The following ST3GAL3 variants were observed in gnomAD, a reference collection of about 807,000 sequenced individuals.
The protein encoded by ST3GAL3 is ST3 beta-galactoside alpha-2,3-sialyltransferase 3, also known as CMP-N-acetylneuraminate-beta-1,4-galactoside alpha-2,3-sialyltransferase.
A neutral mutation model predicts 50.1 loss-of-function variants in ST3GAL3; 21 were observed. That is an observed-to-expected ratio of 0.42 (90% confidence interval 0.30 to 0.60). The LOEUF (loss-of-function observed/expected upper bound fraction) is 0.60, where lower values mean the gene tolerates loss of function less well. ST3GAL3 is among the 20% of genes least tolerant of loss of function. ST3GAL3 has a pLI of 0.19. For synonymous variants in ST3GAL3, 183 were observed against 190.0 expected (o/e 0.96, Z 0.30); for missense variants, 353 against 489.4 (o/e 0.72, Z 2.63).
At chr1:43,920,729 G>A in intron 10 of ST3GAL3, 53 bp from the exon 11 acceptor site, 2 of 1,613,262 alleles carry the variant, frequency 1.2e-6, no homozygotes, top group South Asian at 1.1e-5. Context: ...AGCTGTCCCA[G>A]CCCTCCAGCT....
At chr1:43,880,060 T>C (rs2074842672) in intron 5 of ST3GAL3, among the ~76,000 whole-genome samples, 1 of 152,188 alleles carries the variant, frequency 6.6e-6, no homozygotes, top group African/African-American at 2.4e-5. Context: ...ATTGGTCTGG[T>C]TGGCCCTGGA....
chr1:43,772,123 C>T (rs1695485067), intron 2 of ST3GAL3: 1 of 397,820 alleles, frequency 2.5e-6, no homozygotes, highest in East Asian at 3.6e-5. Context: ...AATCTCTGCT[C>T]ACCGCAACCT....
chr1:43,831,060 G>A (rs1375888827), intron 4 of ST3GAL3, among the ~76,000 whole-genome samples: 4 of 152,174 alleles, frequency 2.6e-5, no homozygotes, highest in Non-Finnish European at 4.4e-5. Context: ...CCTATAAAAT[G>A]TGCATTACTA....
intron 5 of ST3GAL3, among the ~76,000 whole-genome samples, chr1:43,858,905 A>T (rs2069182780): frequency 6.6e-6 from 1 of 152,210 alleles, no homozygotes. Context: ...TGCCATGATG[A>T]GGGCCCTTGG....
At chr1:43,772,108 G>T (rs1003616568) in intron 2 of ST3GAL3, 7 of 398,242 alleles carry the variant, frequency 1.8e-5, no homozygotes, top group Non-Finnish European at 3.1e-5. Flanking sequence ...GGAGTGTGAT[G>T]GCATAATCTC....
intron 5 of ST3GAL3, chr1:43,879,231 G>A: frequency 2.2e-6 from 1 of 455,068 alleles, no homozygotes; most frequent in Non-Finnish European, 4.4e-6. Flanking sequence ...CTGGACAGAA[G>A]GCCAGTATGC....
chr1:43,927,321 A>G (rs887834191), intron 11 of ST3GAL3, among the ~76,000 whole-genome samples: 1 of 152,226 alleles, frequency 6.6e-6, no homozygotes, highest in African/African-American at 2.4e-5. Flanking sequence ...GTAAAACTCC[A>G]TCTCAAAAAC....
rs187449253 is a variant in ST3GAL3 at position 43,810,083 on chromosome 1, G to A, written c.167-4808G>A. 4.6e-4 allele frequency among the ~76,000 whole-genome samples: 70 copies of A among 152,050 alleles called. 2 individuals carry two copies. The East Asian group carries it at 0.013, about 27-fold the overall frequency. On this transcript the variant is annotated intron_variant, in intron 3 of 11. Coordinates refer to ENST00000347631, the MANE Select transcript of ST3GAL3 (RefSeq NM_006279.5). ...AAAAAAATGAACAGACCACTGGTGA[G>A]CTATGGGACTTCAAGCAGCCCTAAT...
At chr1:43,909,573 G>A (rs1028276196) in intron 9 of ST3GAL3, among the ~76,000 whole-genome samples, 2 of 151,944 alleles carry the variant, frequency 1.3e-5, no homozygotes, top group Non-Finnish European at 2.9e-5. Context: ...AATCCCAAAC[G>A]GACTAAAAAG....
intron 2 of ST3GAL3, among the ~76,000 whole-genome samples, chr1:43,790,633 CT>C (rs11343844): frequency 0.48 from 59,950 of 125,328 alleles, 13,191 homozygotes; most frequent in African/African-American, 0.62. Context: ...ATGGCGTCTC[CT>C]TTTTTTTTTT....
At chr1:43,714,259 T>G (rs1571134142) in intron 1 of ST3GAL3, among the ~76,000 whole-genome samples, 1 of 108,040 alleles carries the variant, frequency 9.3e-6, no homozygotes, top group African/African-American at 3.7e-5. Context: ...ACAGGGAAAC[T>G]CCATCTCAAA....
chr1:43,856,786 A>G (rs1435321940), intron 5 of ST3GAL3, among the ~76,000 whole-genome samples: 3 of 152,126 alleles, frequency 2.0e-5, no homozygotes, highest in Admixed American at 2.0e-4. Context: ...TCTGCTTTTA[A>G]ATTAATTCCA....
chr1:43,735,614 A>G (rs1678069084), intron 1 of ST3GAL3, among the ~76,000 whole-genome samples: 1 of 152,216 alleles, frequency 6.6e-6, no homozygotes, highest in African/African-American at 2.4e-5. Context: ...CCAGAAGGGA[A>G]CACAGCCCTA....
At chr1:43,879,492 G>A (rs146906775) in intron 5 of ST3GAL3, 32 of 449,268 alleles carry the variant, frequency 7.1e-5, no homozygotes, top group South Asian at 3.7e-4. Context: ...GACTAGGGCC[G>A]TAGCAGTGGA....
chr1:43,857,157 A>G lies in ST3GAL3; in HGVS notation c.302+18846A>G, dbSNP rs549523835. 4.6e-5 allele frequency among the ~76,000 whole-genome samples: 7 copies of G among 152,296 alleles called. No homozygotes were observed. The South Asian group carries it at 1.0e-3, about 23-fold the overall frequency. On this transcript the variant is annotated intron_variant, in intron 5 of 11. Coordinates refer to ENST00000347631, the MANE Select transcript of ST3GAL3 (RefSeq NM_006279.5). Reference sequence around the variant, plus strand: ...TACATCTTATCCCTTTCTAACTTCTACTGGAAGGTGAATGACAGGCAAAGC... The same window carrying G: ...TACATCTTATCCCTTTCTAACTTCTGCTGGAAGGTGAATGACAGGCAAAGC...
chr1:43,845,758 A>G (rs1267568129), intron 5 of ST3GAL3, among the ~76,000 whole-genome samples: 1 of 151,742 alleles, frequency 6.6e-6, no homozygotes, highest in Admixed American at 6.6e-5. Context: ...TTTATTTCTC[A>G]TATAAACATT....
At chr1:43,917,214 C>T (rs2081958918) in intron 9 of ST3GAL3, among the ~76,000 whole-genome samples, 2 of 151,384 alleles carry the variant, frequency 1.3e-5, no homozygotes, top group African/African-American at 4.9e-5. Context: ...TATACACATA[C>T]ACAGATTTTA....
intron 2 of ST3GAL3, among the ~76,000 whole-genome samples, chr1:43,788,539 C>T (rs1299025533): frequency 6.6e-6 from 1 of 152,184 alleles, no homozygotes; most frequent in Admixed American, 6.5e-5. Context: ...TGAACCTTCA[C>T]AGGACAAGCA....
chr1:43,710,783 G>T (rs907667750), intron 1 of ST3GAL3, among the ~76,000 whole-genome samples: 19 of 152,104 alleles, frequency 1.2e-4, no homozygotes, highest in Admixed American at 8.5e-4. Context: ...CTTCCTTTGT[G>T]AAGCTTATCT....
Sources: gnomAD v4.1 joint callset for allele counts (sites outside exome capture counted in the v4.1 genomes callset) on GRCh38, gnomAD v4.1.1 for gene constraint, MANE v1.5 for transcripts, NCBI Gene and HGNC (gene_info 2026-07-23, HGNC 2026-07-21) for gene names.